The following ADCY7 variants were observed in gnomAD, a reference collection of about 807,000 sequenced individuals.
ADCY7 encodes the protein adenylate cyclase type 7.
In ADCY7, 72 loss-of-function variants were observed where a neutral mutation model predicts 120.6. The observed-to-expected ratio is 0.60, with a 90% CI of 0.49 to 0.73. The LOEUF (loss-of-function observed/expected upper bound fraction) is 0.73, where lower values mean the gene tolerates loss of function less well. Ranked by LOEUF, ADCY7 falls within the 30% of genes least tolerant of loss-of-function variation. The probability of loss-of-function intolerance (pLI) is 0.00; values close to 1 mark genes in which losing one functional copy is unlikely to be tolerated. For missense variants in ADCY7, 1,227 were observed against 1,486.0 expected (o/e 0.83, Z 2.87); for synonymous variants, 661 against 628.0 (o/e 1.05, Z -0.78).
At chr16:50,293,287 GT>G in intron 5 of ADCY7, 66 bp from the exon 6 acceptor site, 1 of 1,566,702 alleles carries the variant, frequency 6.4e-7, no homozygotes, top group Admixed American at 1.7e-5. Flanking sequence ...TACCCTGCCT[GT>G]CCCCCGCTGG....
At chr16:50,303,241 C>T (rs1274199849) in intron 10 of ADCY7, among the ~76,000 whole-genome samples, 3 of 152,214 alleles carry the variant, frequency 2.0e-5, no homozygotes, top group Non-Finnish European at 4.4e-5. Flanking sequence ...GCGCGCTCTT[C>T]CTGCTCTGGG....
chr16:50,312,188 C>A lies in ADCY7; in HGVS notation c.2601C>A (p.Asn867Lys), dbSNP rs767614273. 2 of 1,612,290 alleles carry A rather than the reference C, an allele frequency of 1.2e-6. No homozygotes were observed. Among genetic ancestry groups the A allele is most frequent in the African/African-American group, 1.3e-5 (1 of 74,076 alleles). Reference protein sequence around the residue: ...VAAHFIGDKLNEDWYHQSYDC... With the variant: ...VAAHFIGDKLKEDWYHQSYDC... Reference sequence around the variant, plus strand: ...CCCACTTTATCGGTGACAAGTTAAACGAGGTGTGCTGAGAAGGGGCTGGGG... The same window carrying A: ...CCCACTTTATCGGTGACAAGTTAAAAGAGGTGTGCTGAGAAGGGGCTGGGG... Residue 867 changes from asparagine to lysine, a missense_variant, in exon 21 of 26, where the codon AAC becomes AAA. By Grantham distance (94) the Asn-to-Lys change is moderately conservative. Around this residue, in one of 5 missense-constraint regions of ADCY7, gnomAD observed 244 missense variants for 332.8 expected, o/e 0.73. Coordinates refer to ENST00000673801, the MANE Select transcript of ADCY7 (RefSeq NM_001114.5).
Position 50,291,913 on chromosome 16 carries a change from A to T in ADCY7, c.537+16A>T, listed in dbSNP as rs1206220978. 1.3e-6 allele frequency: 2 copies of T among 1,595,048 alleles called. No individual in the cohort carries two copies. Among genetic ancestry groups the T allele is most frequent in the Admixed American group, 3.4e-5 (2 of 58,562 alleles). On this transcript the variant is annotated intron_variant, in intron 4 of 25. Transcript: ENST00000673801. ...GGGGCTGCAGGTGAGGGATGGGCTA[A>T]GGCCTCTGGGGGAGGTTTTGTGGTC...
At position 50,247,558 on chromosome 16, in the gene ADCY7, T is replaced by TTTC. The variant is rs1252281700; in HGVS notation, c.-64+1356_-64+1357insTCT. 1.6e-4 allele frequency among the ~76,000 whole-genome samples: 24 copies of TTTC among 149,556 alleles called. 1 individual carries two copies. The highest frequency in any genetic ancestry group is 5.9e-4 in the African/African-American group (24 of 40,760). On this transcript the variant is annotated intron_variant, in intron 1 of 4. Transcript: ENST00000564044. Reference sequence around the variant, plus strand: ...TTAGTAATTTTTTTTTTTTTTTTTTTTGGTGGACGCATGGTCTCACTATGT... The same window carrying TTTC: ...TTAGTAATTTTTTTTTTTTTTTTTTTTTCTGGTGGACGCATGGTCTCACTATGT...
intron 3 of ADCY7, 122 bp from the exon 4 acceptor site, chr16:50,291,614 G>A (rs1204079763): frequency 9.3e-7 from 1 of 1,070,056 alleles, no homozygotes; most frequent in Non-Finnish European, 1.4e-6. Context: ...CCCACGCAGG[G>A]GGTGGCGAGG....
At chr16:50,304,845 G>T (rs2035958011) in intron 11 of ADCY7, 80 bp from the exon 12 acceptor site, 1 of 1,580,748 alleles carries the variant, frequency 6.3e-7, no homozygotes, top group Admixed American at 1.7e-5. Flanking sequence ...GTGCCGGAGG[G>T]GCTGAACCTG....
intron 3 of ADCY7, among the ~76,000 whole-genome samples, chr16:50,291,365 TG>T (rs993139282): frequency 3.2e-4 from 15 of 46,938 alleles, no homozygotes; most frequent in Admixed American, 1.6e-3. Context: ...GGAGGGCGGG[TG>T]GGGCCGCATT....
At chr16:50,294,781 C>T in intron 7 of ADCY7, 30 bp downstream of exon 7, 2 of 1,517,422 alleles carry the variant, frequency 1.3e-6, no homozygotes, top group Non-Finnish European at 1.8e-6. Flanking sequence ...ATGGGCAAAG[C>T]CAGGCCCCTC....
At chr16:50,302,424 G>T (rs1225354300) in intron 10 of ADCY7, among the ~76,000 whole-genome samples, 2 of 152,188 alleles carry the variant, frequency 1.3e-5, no homozygotes, top group Non-Finnish European at 2.9e-5. Context: ...CCCGCAGGCT[G>T]CCAGGTTGAG....
intron 22 of ADCY7, 176 bp downstream of exon 22, chr16:50,313,212 T>C (rs767675936): frequency 6.8e-6 from 5 of 739,256 alleles, no homozygotes; most frequent in Non-Finnish European, 1.0e-5. Flanking sequence ...AGGCTAGGAG[T>C]TCGAGACCAG....
chr16:50,304,641 C>A, intron 11 of ADCY7, 90 bp downstream of exon 11: 1 of 1,306,776 alleles, frequency 7.7e-7, no homozygotes, highest in Non-Finnish European at 1.1e-6. Context: ...GCCCTCTCAG[C>A]CTCACTGTCC....
intron 7 of ADCY7, among the ~76,000 whole-genome samples, chr16:50,295,090 T>G (rs1192918420): frequency 6.6e-6 from 1 of 152,156 alleles, no homozygotes; most frequent in African/African-American, 2.4e-5. Context: ...ACCTGGTAGC[T>G]CAGGAGGACT....
Position 50,247,040 on chromosome 16 carries a change from C to T in ADCY7, c.-64+837C>T, listed in dbSNP as rs141841127. Among the ~76,000 whole-genome samples, 791 of 152,276 alleles carry T rather than the reference C, an allele frequency of 5.2e-3. 5 individuals carry two copies. Among genetic ancestry groups the T allele is most frequent in the Non-Finnish European group, 8.8e-3 (601 of 68,028 alleles). On this transcript the variant is annotated intron_variant, in intron 1 of 4. Transcript: ENST00000564044. ...CCCTCGGGCCTGGTCCAGAGTGATGCTCCAGAGATTGAATGAATGAATGAA... is the reference window on the plus strand; with the variant it reads ...CCCTCGGGCCTGGTCCAGAGTGATGTTCCAGAGATTGAATGAATGAATGAA...
chr16:50,310,773 A>C lies in ADCY7; in HGVS notation c.2247A>C (p.Thr749=). The change falls in exon 19 of 26, where the codon ACA becomes ACC. Residue 749 remains threonine (T), a synonymous_variant. Transcript: ENST00000673801. ...MSLEPKVVLL[T]VALVAYLVLF... is the part of the protein sequence containing the mutation. ...TGGAGCCAAAGGTTGTGCTGCTGACAGTGGCCCTGGTGGCCTACCTGGTGC... is the reference window on the plus strand; with the variant it reads ...TGGAGCCAAAGGTTGTGCTGCTGACCGTGGCCCTGGTGGCCTACCTGGTGC... 6.2e-7 allele frequency: 1 copy of C among 1,614,158 alleles called. No individual in the cohort carries two copies.
At chr16:50,299,710 G>C (rs1203984486) in intron 8 of ADCY7, among the ~76,000 whole-genome samples, 1 of 152,232 alleles carries the variant, frequency 6.6e-6, no homozygotes, top group Non-Finnish European at 1.5e-5. Flanking sequence ...GGAGGGGCCT[G>C]GCCTGCACCA....
chr16:50,262,515 C>T (rs372794387), upstream of ADCY7, among the ~76,000 whole-genome samples: 15 of 152,024 alleles, frequency 9.9e-5, no homozygotes, highest in Non-Finnish European at 1.9e-4. Context: ...TTATTAGAGA[C>T]GGGGTTTCAC....
chr16:50,288,384 G>T, intron 2 of ADCY7, 34 bp downstream of exon 2: 1 of 1,504,088 alleles, frequency 6.6e-7, no homozygotes, highest in Non-Finnish European at 8.9e-7. Flanking sequence ...TTCACGTCTC[G>T]GCCCCAACCT....
chr16:50,262,211 C>T (rs1295913614), upstream of ADCY7, among the ~76,000 whole-genome samples: 1 of 151,830 alleles, frequency 6.6e-6, no homozygotes, highest in Admixed American at 6.5e-5. Context: ...CTCCCCTAAA[C>T]TCTGGGCCAC....
At chr16:50,248,852 A>G (rs2032668204) in intron 1 of ADCY7, among the ~76,000 whole-genome samples, 2 of 152,196 alleles carry the variant, frequency 1.3e-5, no homozygotes, top group Admixed American at 6.5e-5. Context: ...CAATAGCCTC[A>G]CAGCCTAACA....
Sources: gnomAD v4.1 joint callset for allele counts (sites outside exome capture counted in the v4.1 genomes callset) on GRCh38, gnomAD v4.1.1 for gene constraint, gnomAD v4.1.1 regional missense constraint, MANE v1.5 for transcripts, NCBI Gene and HGNC (gene_info 2026-07-23, HGNC 2026-07-21) for gene names.